TSHR: variants seen among roughly 807,000 people sequenced by gnomAD.
TSHR encodes thyroid stimulating hormone receptor.
TSHR carries 51 observed loss-of-function variants against 64.1 expected under a neutral mutation model. The observed-to-expected ratio is 0.80, with a 90% CI of 0.64 to 1.01. TSHR has a LOEUF of 1.01. Ranked by LOEUF, TSHR falls within the 50% of genes least tolerant of loss-of-function variation. TSHR has a pLI of 0.00. For missense variants in TSHR, 877 were observed against 942.8 expected (o/e 0.93, Z 0.91); for synonymous variants, 361 against 361.9 (o/e 1.00, Z 0.03).
chr14:80,969,288 G>T (rs753792028), intron 1 of TSHR, among the ~76,000 whole-genome samples: 2 of 152,108 alleles, frequency 1.3e-5, no homozygotes, highest in Non-Finnish European at 2.9e-5. Flanking sequence ...GCCCTTTGTT[G>T]CACCTTCTCT....
chr14:81,027,603 G>A (rs1053686483), intron 1 of TSHR, among the ~76,000 whole-genome samples: 1 of 152,048 alleles, frequency 6.6e-6, no homozygotes, highest in Non-Finnish European at 1.5e-5. Flanking sequence ...TATATACCCA[G>A]ACACACCAGG....
chr14:81,113,794 A>G (rs901707267), intron 8 of TSHR, among the ~76,000 whole-genome samples: 18 of 152,186 alleles, frequency 1.2e-4, no homozygotes, highest in Non-Finnish European at 1.8e-4. Flanking sequence ...TATTTTATCA[A>G]TTAAATCTTA....
chr14:81,111,569 A>G (rs771018532), intron 8 of TSHR, among the ~76,000 whole-genome samples: 1 of 152,124 alleles, frequency 6.6e-6, no homozygotes, highest in Non-Finnish European at 1.5e-5. Context: ...TGTCTTTTAC[A>G]CTACTTTACG....
chr14:81,135,308 T>C (rs558729876), intron 8 of TSHR, among the ~76,000 whole-genome samples: 58 of 152,310 alleles, frequency 3.8e-4, no homozygotes, highest in African/African-American at 1.4e-3. Context: ...CTTCATTCTG[T>C]AGATATTAAA....
chr14:80,962,892 A>G (rs1422832678), intron 1 of TSHR, among the ~76,000 whole-genome samples: 1 of 152,218 alleles, frequency 6.6e-6, no homozygotes, highest in African/African-American at 2.4e-5. Context: ...AGACTGAGAA[A>G]CTTGGAAGGG....
intron 8 of TSHR, among the ~76,000 whole-genome samples, chr14:81,118,706 G>T (rs1195001729): frequency 1.3e-5 from 2 of 152,176 alleles, no homozygotes; most frequent in African/African-American, 4.8e-5. Context: ...CCAAAAAAGA[G>T]CCCGCATCGC....
intron 1 of TSHR, among the ~76,000 whole-genome samples, chr14:81,046,227 C>T (rs1885161420): frequency 6.6e-6 from 1 of 151,890 alleles, no homozygotes; most frequent in African/African-American, 2.4e-5. Flanking sequence ...TAGCAGCAGA[C>T]ACAGAATGAC....
rs10528934 is a variant in TSHR at position 81,067,927 on chromosome 14, CTATATATATATATA to C, written c.243-313_243-300del. On this transcript the variant is annotated intron_variant, in intron 2 of 9. Coordinates refer to ENST00000298171, the MANE Select transcript of TSHR (RefSeq NM_000369.5). ...TAGTGGAACATTCCACAGGGTGACACTATATATATATATATATATATATATATCGCTAAATATGC... is the reference window on the plus strand; with the variant it reads ...TAGTGGAACATTCCACAGGGTGACACTATATATATATATCGCTAAATATGC... Among the ~76,000 whole-genome samples the C allele has an allele frequency of 2.1e-4, 20 of 95,784 alleles. 1 individual carries two copies. The highest frequency in any genetic ancestry group is 1.1e-3 in the Admixed American group (11 of 9,928). The allele number at this position is 95,784 out of a possible 152,430, so 62.8% of individuals were successfully genotyped here.
chr14:81,096,499 T>C, intron 6 of TSHR, 140 bp from the exon 7 acceptor site: 1 of 780,732 alleles, frequency 1.3e-6, no homozygotes, highest in South Asian at 1.5e-5. Context: ...CTGGAAAGTT[T>C]TCTTGTGGGA....
At chr14:81,088,818 A>G (rs1021904158) in intron 4 of TSHR, among the ~76,000 whole-genome samples, 2 of 152,176 alleles carry the variant, frequency 1.3e-5, no homozygotes, top group Non-Finnish European at 2.9e-5. Flanking sequence ...CCTTCAAAAC[A>G]AACTTATGTT....
chr14:81,007,601 C>T (rs890102579), intron 1 of TSHR, among the ~76,000 whole-genome samples: 1 of 152,208 alleles, frequency 6.6e-6, no homozygotes, highest in Non-Finnish European at 1.5e-5. Context: ...CATTGATCAC[C>T]TGGCTGAGAT....
intron 1 of TSHR, among the ~76,000 whole-genome samples, chr14:81,045,436 A>G (rs1885128295): frequency 6.6e-6 from 1 of 151,966 alleles, no homozygotes; most frequent in South Asian, 2.1e-4. Flanking sequence ...TAGAACGTGC[A>G]GGTTTGTTGC....
rs560864355 is a variant in TSHR at position 81,107,760 on chromosome 14, TCAA to T, written c.615-609_615-607del. ...CACCCAATACAATTTGAATTTCAGA[TCAA>T]CAACAGACAACTTTTAATATAAATA... On this transcript the variant is annotated intron_variant, in intron 7 of 9. Coordinates refer to ENST00000298171, the MANE Select transcript of TSHR (RefSeq NM_000369.5). 1.3e-3 allele frequency among the ~76,000 whole-genome samples: 200 copies of T among 152,296 alleles called. 1 individual carries two copies. The highest frequency in any genetic ancestry group is 4.7e-3 in the African/African-American group (196 of 41,568).
At chr14:81,101,892 C>A (rs890555824) in intron 7 of TSHR, among the ~76,000 whole-genome samples, 2 of 152,110 alleles carry the variant, frequency 1.3e-5, no homozygotes, top group Non-Finnish European at 2.9e-5. Flanking sequence ...ACTAAGCAGG[C>A]CGGGTGTGGT....
At chr14:81,096,474 T>C (rs543332939) in intron 6 of TSHR, among the ~76,000 whole-genome samples, 165 bp from the exon 7 acceptor site, 1 of 152,352 alleles carries the variant, frequency 6.6e-6, no homozygotes, top group South Asian at 2.1e-4. Context: ...ATTATCTTGT[T>C]TCCAACAACT....
intron 8 of TSHR, among the ~76,000 whole-genome samples, chr14:81,121,086 A>G (rs1026167410): frequency 1.3e-5 from 2 of 152,128 alleles, no homozygotes; most frequent in African/African-American, 4.8e-5. Flanking sequence ...TAGGAAGAGA[A>G]AACAAAAACT....
chr14:81,066,198 C>A (rs955855117), intron 2 of TSHR, among the ~76,000 whole-genome samples: 4 of 152,090 alleles, frequency 2.6e-5, no homozygotes, highest in African/African-American at 9.7e-5. Context: ...CCTTCTGGAA[C>A]CTTGAGAAAG....
chr14:81,110,115 A>G (rs146470701), intron 8 of TSHR, among the ~76,000 whole-genome samples: 18 of 152,372 alleles, frequency 1.2e-4, no homozygotes, highest in African/African-American at 4.3e-4. Context: ...TCAATGCCAT[A>G]AAAATTCTGT....
intron 8 of TSHR, among the ~76,000 whole-genome samples, chr14:81,136,131 G>A (rs895046640): frequency 5.3e-5 from 8 of 152,352 alleles, no homozygotes; most frequent in East Asian, 1.9e-4. Flanking sequence ...GGTAGGAAGC[G>A]TGGATGTTAT....
Sources: gnomAD v4.1 joint callset for allele counts (sites outside exome capture counted in the v4.1 genomes callset) on GRCh38, gnomAD v4.1.1 for gene constraint, MANE v1.5 for transcripts, NCBI Gene and HGNC (gene_info 2026-07-23, HGNC 2026-07-21) for gene names.